Variants in SRCAP observed in about 807,000 individuals in gnomAD.
SRCAP encodes Snf2 related CREBBP activator protein.
Under a neutral mutation model 263.1 loss-of-function variants are expected in SRCAP, and 46 were observed. The observed-to-expected ratio is 0.17, with a 90% CI of 0.14 to 0.22. The LOEUF (loss-of-function observed/expected upper bound fraction) is 0.22. Among genes scored for constraint, SRCAP ranks in the 10% least tolerant of loss-of-function variants. SRCAP has a pLI of 1.00. For synonymous variants in SRCAP, 1,813 were observed against 1,662.1 expected, an observed-to-expected ratio of 1.09 and a Z score of -2.21; for missense variants, 3,695 against 4,181.9, an observed-to-expected ratio of 0.88 and a Z score of 3.21.
rs2053202679 is a variant in SRCAP, at chr16:30,739,532, G to A, written c.9492G>A (p.Gly3164=). 6.2e-7 allele frequency: 1 copy of A among 1,611,630 alleles called. No homozygotes were observed. The highest frequency in any genetic ancestry group is 1.7e-5 in the Admixed American group (1 of 59,676). ...GCCTACAGCCCCCAAGTCCCCTGGG[G>A]CCTGAGGGTTCAGTAGAGGAGTCTG... The part of the protein sequence containing the change: ...RGRLQPPSPL[G]PEGSVEESEA... Residue 3164 remains glycine, a synonymous_variant, in exon 34 of 34, where the codon GGG becomes GGA. Coordinates refer to ENST00000262518, the MANE Select transcript of SRCAP (RefSeq NM_006662.3).
intron 25 of SRCAP, 27 bp from the exon 26 acceptor site, chr16:30,728,939 T>G: frequency 6.3e-7 from 1 of 1,597,062 alleles, no homozygotes; most frequent in Non-Finnish European, 8.6e-7. Flanking sequence ...GGGTGCTGAT[T>G]ACTTCCTCTT....
chr16:30,710,726 CT>C, intron 8 of SRCAP, 27 bp from the exon 9 acceptor site: 1 of 1,612,002 alleles, frequency 6.2e-7, no homozygotes, highest in Non-Finnish European at 8.5e-7. Flanking sequence ...ACCTTAGACC[CT>C]TCCCTTTTTT....
intron 31 of SRCAP, among the ~76,000 whole-genome samples, chr16:30,735,567 CTTTTT>C (rs10663863): frequency 5.5e-4 from 38 of 69,596 alleles, no homozygotes; most frequent in Non-Finnish European, 7.0e-4. Context: ...TTTGACATTA[CTTTTT>C]TTTTTTTTTT....
rs2151294045 is a variant in SRCAP, at chr16:30,723,824, C to G, written c.4400C>G (p.Ala1467Gly). The G allele has an allele frequency of 6.2e-7, 1 of 1,614,160 alleles. No individual in the cohort carries two copies. The change falls in exon 25 of 34, where the codon GCT becomes GGT. Residue 1467 changes from alanine (A) to glycine (G), a missense_variant. Physicochemically the swap from Ala to Gly is moderately conservative, Grantham distance 60 (BLOSUM62 0). Transcript: ENST00000262518. Reference protein sequence around the residue: ...IPISAPLTVSASGPALLTSVT... With the variant: ...IPISAPLTVSGSGPALLTSVT... ...ATCTCAGCCCCCTTGACTGTTTCTG[C>G]TTCGGGCCCAGCTCTGTTGACCAGT...
At chr16:30,707,983 A>G (rs529482989) in intron 6 of SRCAP, among the ~76,000 whole-genome samples, 45 of 152,208 alleles carry the variant, frequency 3.0e-4, no homozygotes, top group Non-Finnish European at 3.8e-4. Flanking sequence ...CACTTAGCAC[A>G]TGCTTAAATT....
intron 18 of SRCAP, among the ~76,000 whole-genome samples, chr16:30,719,424 C>T (rs2052987801): frequency 6.6e-6 from 1 of 151,816 alleles, no homozygotes; most frequent in African/African-American, 2.4e-5. Flanking sequence ...ACCATCTTGG[C>T]CAGGCTGGTC....
intron 16 of SRCAP, among the ~76,000 whole-genome samples, chr16:30,715,564 CAAAAAAA>C (rs528259971): frequency 4.5e-5 from 5 of 111,720 alleles, no homozygotes; most frequent in Non-Finnish European, 7.6e-5. Context: ...AACTTTGTAT[CAAAAAAA>C]AAAAAAAAAG....
Position 30,718,130 on chromosome 16 carries a change from C to A in SRCAP, c.2817+1651C>A, listed in dbSNP as rs367948915. Among the ~76,000 whole-genome samples the A allele has an allele frequency of 9.0e-4, 137 of 152,052 alleles. 2 individuals carry two copies. Among genetic ancestry groups the A allele is most frequent in the Middle Eastern group, 3.4e-3 (1 of 294 alleles). On this transcript the variant is annotated intron_variant, in intron 18 of 33. Coordinates refer to ENST00000262518, the MANE Select transcript of SRCAP (RefSeq NM_006662.3). ...TCAAGTGATCCTTCCGCCTTGGCCT[C>A]CCAAAGCCCTGGGATTATAGGCGTG...
At chr16:30,726,366 T>C (rs907037639) in intron 25 of SRCAP, 2 of 152,262 alleles carry the variant, frequency 1.3e-5, no homozygotes, top group African/African-American at 4.8e-5. Flanking sequence ...TCTCAGTTTC[T>C]GTTAGATACA....
At chr16:30,716,998 C>T (rs1301875939) in intron 18 of SRCAP, among the ~76,000 whole-genome samples, 1 of 152,158 alleles carries the variant, frequency 6.6e-6, no homozygotes, top group African/African-American at 2.4e-5. Flanking sequence ...CATGGTAATT[C>T]TATTTCTGCA....
In SRCAP at chr16:30,738,263, A is replaced by C. The variant is rs1170399805; in HGVS notation, c.8223A>C (p.Pro2741=). The C allele has an allele frequency of 6.2e-7, 1 of 1,611,316 alleles. No homozygotes were observed. Among genetic ancestry groups the C allele is most frequent in the African/African-American group, 1.3e-5 (1 of 74,852 alleles). ...RGQGTGRPGQ[P]PGPKVLRKLP... ...AAGGGACTGGTCGGCCAGGACAACC[A>C]CCAGGCCCCAAAGTGCTTCGAAAGC... The change falls in exon 34 of 34, where the codon CCA becomes CCC. Residue 2741 remains proline, a synonymous_variant. Coordinates refer to ENST00000262518, the MANE Select transcript of SRCAP (RefSeq NM_006662.3).
At position 30,720,856 on chromosome 16, in the gene SRCAP, T is replaced by G; in HGVS notation, c.3131T>G (p.Val1044Gly). 2 of 1,614,018 alleles carry G rather than the reference T, an allele frequency of 1.2e-6. No homozygotes were observed. The highest frequency in any genetic ancestry group is 1.7e-6 in the Non-Finnish European group (2 of 1,180,000). ...CCCACCCCTGGCCCAGTCCCCCAAG[T>G]GCTGCCAGCATCACTGATGGTTTCA... ...AQPTPGPVPQVLPASLMVSAS... is the reference protein window; with the variant it reads ...AQPTPGPVPQGLPASLMVSAS... The change falls in exon 20 of 34, where the codon GTG becomes GGG. Residue 1044 changes from valine (V) to glycine (G), a missense_variant. Val to Gly is a moderately radical substitution (Grantham distance 109, BLOSUM62 -3). Around this residue, in one of 12 missense-constraint regions of SRCAP, gnomAD observed 1,347 missense variants for 1,304.4 expected, o/e 1.03. Coordinates refer to ENST00000262518, the MANE Select transcript of SRCAP (RefSeq NM_006662.3).
chr16:30,704,407 T>C (rs2052803495), intron 4 of SRCAP, 92 bp downstream of exon 4: 1 of 1,474,080 alleles, frequency 6.8e-7, no homozygotes, highest in Admixed American at 2.3e-5. Flanking sequence ...TTTTCTTTTT[T>C]GTCATGGATT....
intron 18 of SRCAP, among the ~76,000 whole-genome samples, chr16:30,719,514 CTTT>C (rs1038930447): frequency 6.9e-6 from 1 of 145,974 alleles, no homozygotes; most frequent in Non-Finnish European, 1.5e-5. Flanking sequence ...CGCACCCGGC[CTTT>C]TTTTTTTTAA....
chr16:30,703,587 T>C (rs1377237423), intron 3 of SRCAP, among the ~76,000 whole-genome samples: 1 of 151,924 alleles, frequency 6.6e-6, no homozygotes, highest in African/African-American at 2.4e-5. Context: ...TCTGCCATCT[T>C]GAGTCCCTTA....
intron 27 of SRCAP, among the ~76,000 whole-genome samples, chr16:30,732,410 C>T (rs909320056): frequency 4.7e-5 from 7 of 150,438 alleles, no homozygotes; most frequent in Non-Finnish European, 8.9e-5. Flanking sequence ...GAGATTCCAC[C>T]ATTGCACTCC....
chr16:30,723,210 T>C lies in SRCAP; in HGVS notation c.4140T>C (p.Ser1380=). The C allele has an allele frequency of 6.2e-7, 1 of 1,611,320 alleles. No individual in the cohort carries two copies. Among genetic ancestry groups the C allele is most frequent in the Non-Finnish European group, 8.5e-7 (1 of 1,178,058 alleles). ...GGCCTCTTCTCAAGCTGGTCCACAG[T>C]CCTTCACCTGAAGTCAGTGGTGAGT... ...LVRPLLKLVH[S]PSPEVSASAP... is the part of the protein sequence containing the mutation. The change falls in exon 24 of 34, where the codon AGT becomes AGC. Residue 1380 remains serine (S), a synonymous_variant. Transcript: ENST00000262518.
At chr16:30,704,975 C>T (rs750516301) in intron 4 of SRCAP, among the ~76,000 whole-genome samples, 5 of 152,174 alleles carry the variant, frequency 3.3e-5, no homozygotes, top group Non-Finnish European at 5.9e-5. Flanking sequence ...TCTGGGCCAG[C>T]AGCATCAGCA....
At position 30,729,396 on chromosome 16, in the gene SRCAP, A is replaced by G; in HGVS notation, c.5951A>G (p.Glu1984Gly). The G allele has an allele frequency of 6.2e-7, 1 of 1,613,956 alleles. No individual in the cohort carries two copies. The highest frequency in any genetic ancestry group is 2.2e-5 in the East Asian group (1 of 44,880). The change falls in exon 27 of 34, where the codon GAG becomes GGG. Residue 1984 changes from glutamate (E) to glycine (G), a missense_variant. Physicochemically the swap from Glu to Gly is moderately conservative, Grantham distance 98. Coordinates refer to ENST00000262518, the MANE Select transcript of SRCAP (RefSeq NM_006662.3). ...ERFIFVMPPV[E>G]APPPSLHACH... The stretch of plus-strand genomic sequence containing the variant: ...TTCATCTTTGTCATGCCTCCTGTGG[A>G]GGCACCTCCCCCTTCCCTGCATGCC...
Sources: gnomAD v4.1 joint callset for allele counts (sites outside exome capture counted in the v4.1 genomes callset) on GRCh38, gnomAD v4.1.1 for gene constraint, gnomAD v4.1.1 regional missense constraint, MANE v1.5 for transcripts, NCBI Gene and HGNC (gene_info 2026-07-23, HGNC 2026-07-21) for gene names.